CACNA1E: variants seen among roughly 807,000 people sequenced by gnomAD.
CACNA1E encodes the protein calcium voltage-gated channel subunit alpha1 E, also known as voltage-dependent R-type calcium channel subunit alpha-1E.
Under a neutral mutation model 259.2 loss-of-function variants are expected in CACNA1E, and 40 were observed. The observed-to-expected ratio is 0.15, with a 90% CI of 0.12 to 0.20. The LOEUF (loss-of-function observed/expected upper bound fraction) is 0.20, where lower values mean the gene tolerates loss of function less well. Ranked by LOEUF, CACNA1E falls within the 10% of genes least tolerant of loss-of-function variation. The pLI is 1.00. For synonymous variants in CACNA1E, 1,104 were observed against 1,138.5 expected, an observed-to-expected ratio of 0.97 and a Z score of 0.61; for missense variants, 1,874 against 3,040.1, an observed-to-expected ratio of 0.62 and a Z score of 9.02.
chr1:181,358,611 C>T (rs571334772), intron 1 of CACNA1E, among the ~76,000 whole-genome samples: 1 of 152,208 alleles, frequency 6.6e-6, no homozygotes, highest in African/African-American at 2.4e-5. Context: ...TAGACAGCTG[C>T]TGTTTTGGAA....
intron 2 of CACNA1E, among the ~76,000 whole-genome samples, chr1:181,463,084 C>T (rs1386996438): frequency 2.0e-5 from 3 of 152,122 alleles, no homozygotes; most frequent in Non-Finnish European, 2.9e-5. Flanking sequence ...CCCTTATCTG[C>T]AGGGGATAAG....
chr1:181,490,045 G>A (rs1043356413), intron 1 of CACNA1E, among the ~76,000 whole-genome samples: 1 of 152,144 alleles, frequency 6.6e-6, no homozygotes, highest in Non-Finnish European at 1.5e-5. Context: ...CCCCAACCTC[G>A]TGGTTTCTTA....
At chr1:181,769,731 C>A (rs181596275) in intron 35 of CACNA1E, among the ~76,000 whole-genome samples, 104 of 152,232 alleles carry the variant, frequency 6.8e-4, no homozygotes, top group South Asian at 6.0e-3. Flanking sequence ...CTCATGATAC[C>A]TCCAGAAGTG....
chr1:181,451,182 C>G (rs891690402), intron 2 of CACNA1E, among the ~76,000 whole-genome samples: 1 of 152,196 alleles, frequency 6.6e-6, no homozygotes, highest in Admixed American at 6.5e-5. Context: ...TCCACTGCCT[C>G]GCTCACCCTA....
rs982118711 is a variant in CACNA1E, at chr1:181,610,210, A to G, written c.951+29434A>G. Among the ~76,000 whole-genome samples, 3 of 152,238 alleles carry G rather than the reference A, an allele frequency of 2.0e-5. No individual in the cohort carries two copies. The South Asian group carries it at 6.2e-4, about 32-fold the overall frequency. On this transcript the variant is annotated intron_variant, in intron 6 of 47. Coordinates refer to ENST00000367573, the MANE Select transcript of CACNA1E (RefSeq NM_001205293.3). ...TACAGAGAGAGTCTGTAGACTGGGC[A>G]TACTTCCTGAAGGCAAGTCTTTTCA...
intron 25 of CACNA1E, among the ~76,000 whole-genome samples, chr1:181,742,676 C>T (rs534540436): frequency 4.5e-4 from 69 of 152,278 alleles, no homozygotes; most frequent in Non-Finnish European, 7.4e-4. Flanking sequence ...AGCCCCTCAC[C>T]GAGTCGGGGG....
At chr1:181,493,803 C>T (rs945543195) in intron 1 of CACNA1E, among the ~76,000 whole-genome samples, 5 of 152,204 alleles carry the variant, frequency 3.3e-5, no homozygotes, top group Non-Finnish European at 7.3e-5. Context: ...AGAGGGAATA[C>T]ATGATGAGTC....
At chr1:181,435,432 T>C (rs941066508) in intron 2 of CACNA1E, among the ~76,000 whole-genome samples, 1 of 152,234 alleles carries the variant, frequency 6.6e-6, no homozygotes, top group Non-Finnish European at 1.5e-5. Flanking sequence ...TTCCTTGTAC[T>C]CTTACTCACA....
chr1:181,777,110 A>AT lies in CACNA1E; in HGVS notation c.5267+885dup, dbSNP rs200581958. ...AACCTATATATTTTACTGTCAAAAA[A>AT]TTTACTGCCAGAAACATTTGCTAAT... On this transcript the variant is annotated intron_variant, in intron 38 of 47. Transcript: ENST00000367573. Among the ~76,000 whole-genome samples, 1,389 of 152,350 alleles carry AT rather than the reference A, an allele frequency of 9.1e-3. 10 individuals are homozygous for AT. Among genetic ancestry groups the AT allele is most frequent in the Non-Finnish European group, 0.015 (1,042 of 68,028 alleles).
intron 41 of CACNA1E, 108 bp from the exon 42 acceptor site, chr1:181,785,210 C>A: frequency 2.8e-6 from 2 of 710,188 alleles, no homozygotes; most frequent in Non-Finnish European, 2.5e-6. Flanking sequence ...GAATGGGTGA[C>A]TGATAGCACA....
At chr1:181,513,066 A>G (rs1302721497) in intron 3 of CACNA1E, among the ~76,000 whole-genome samples, 1 of 152,238 alleles carries the variant, frequency 6.6e-6, no homozygotes, top group Admixed American at 6.5e-5. Context: ...TGTAATGTGT[A>G]TATAATAAGT....
intron 6 of CACNA1E, among the ~76,000 whole-genome samples, chr1:181,642,110 T>C (rs529904762): frequency 6.6e-6 from 1 of 151,964 alleles, no homozygotes; most frequent in African/African-American, 2.4e-5. Flanking sequence ...CTGTGCAGAG[T>C]TGATTGGAGG....
At chr1:181,768,595 A>G (rs1659222425) in intron 35 of CACNA1E, among the ~76,000 whole-genome samples, 1 of 152,192 alleles carries the variant, frequency 6.6e-6, no homozygotes. Flanking sequence ...TTTACCCTCT[A>G]GTTGGAGGTA....
chr1:181,364,632 A>G (rs1471946580), intron 1 of CACNA1E, among the ~76,000 whole-genome samples: 3 of 147,438 alleles, frequency 2.0e-5, no homozygotes, highest in African/African-American at 2.4e-5. Flanking sequence ...AAAGGAAGGT[A>G]GAATGATGCT....
chr1:181,681,161 T>A (rs952868823), intron 7 of CACNA1E, among the ~76,000 whole-genome samples: 2 of 152,194 alleles, frequency 1.3e-5, no homozygotes, highest in Non-Finnish European at 2.9e-5. Context: ...GGGTTCTGGG[T>A]GGTTCTCCAC....
intron 6 of CACNA1E, among the ~76,000 whole-genome samples, chr1:181,650,144 C>T (rs1408596315): frequency 2.0e-5 from 3 of 152,104 alleles, no homozygotes; most frequent in Non-Finnish European, 4.4e-5. Flanking sequence ...AAGAGAATGT[C>T]ACAGAAGTCC....
chr1:181,565,907 G>A (rs1188474351), intron 3 of CACNA1E, among the ~76,000 whole-genome samples: 1 of 152,130 alleles, frequency 6.6e-6, no homozygotes, highest in East Asian at 1.9e-4. Context: ...GAGAGAAAGT[G>A]TGTGGGTGGT....
intron 3 of CACNA1E, among the ~76,000 whole-genome samples, chr1:181,524,076 A>G (rs1195662781): frequency 6.6e-6 from 1 of 152,188 alleles, no homozygotes; most frequent in African/African-American, 2.4e-5. Context: ...GTGAGGCCCC[A>G]CCACCCCACA....
intron 1 of CACNA1E, among the ~76,000 whole-genome samples, chr1:181,395,733 C>T (rs1446497523): frequency 6.6e-6 from 1 of 152,072 alleles, no homozygotes; most frequent in Non-Finnish European, 1.5e-5. Flanking sequence ...AGAAGAAAAG[C>T]CAGCAAAGGA....
Sources: allele counts gnomAD v4.1 joint callset (sites outside exome capture counted in the v4.1 genomes callset), GRCh38; gene constraint gnomAD v4.1.1; transcripts MANE v1.5; gene names NCBI Gene and HGNC (gene_info 2026-07-23, HGNC 2026-07-21).